The following GTF2IRD1 variants were observed in gnomAD, a reference collection of about 807,000 sequenced individuals.
GTF2IRD1 encodes general transcription factor II-I repeat domain-containing protein 1.
GTF2IRD1 carries 26 observed loss-of-function variants against 113.2 expected under a neutral mutation model. That is an observed-to-expected ratio of 0.23 (90% CI 0.17 to 0.32). GTF2IRD1 has a LOEUF of 0.32. Ranked by LOEUF, GTF2IRD1 falls within the 10% of genes least tolerant of loss-of-function variation. The probability of loss-of-function intolerance (pLI) is 1.00; values close to 1 mark genes in which losing one functional copy is unlikely to be tolerated. For synonymous variants in GTF2IRD1, 484 were observed against 529.1 expected, an observed-to-expected ratio of 0.91 and a Z score of 1.17; for missense variants, 864 against 1,280.8, an observed-to-expected ratio of 0.67 and a Z score of 4.97.
chr7:74,471,924 G>A (rs965402804), intron 1 of GTF2IRD1, among the ~76,000 whole-genome samples: 6 of 152,078 alleles, frequency 3.9e-5, no homozygotes, highest in South Asian at 2.1e-4. Context: ...TCCGGGAGGC[G>A]GAGTCTGCAG....
intron 22 of GTF2IRD1, among the ~76,000 whole-genome samples, chr7:74,583,450 C>T (rs1801542430): frequency 6.7e-6 from 1 of 150,180 alleles, no homozygotes; most frequent in Non-Finnish European, 1.5e-5. Flanking sequence ...CCTCAGTCTC[C>T]CAAATTGCTG....
At chr7:74,599,724 T>C (rs1178949188) in intron 25 of GTF2IRD1, among the ~76,000 whole-genome samples, 1 of 152,180 alleles carries the variant, frequency 6.6e-6, no homozygotes, top group Non-Finnish European at 1.5e-5. Flanking sequence ...ACCTTCACCA[T>C]GTTGCCCAGG....
intron 11 of GTF2IRD1, among the ~76,000 whole-genome samples, 157 bp from the exon 12 acceptor site, chr7:74,537,979 G>A (rs1554350621): frequency 6.6e-6 from 1 of 152,254 alleles, no homozygotes; most frequent in East Asian, 1.9e-4. Context: ...CCTGGTGGAG[G>A]TGGGGAGCAC....
intron 22 of GTF2IRD1, among the ~76,000 whole-genome samples, chr7:74,564,729 C>T (rs1374292715): frequency 6.0e-5 from 9 of 150,730 alleles, no homozygotes; most frequent in African/African-American, 2.0e-4. Context: ...TGTGACAGAG[C>T]GAGGTCTTGT....
intron 12 of GTF2IRD1, 64 bp from the exon 13 acceptor site, chr7:74,538,612 GGAAA>G (rs1292012540): frequency 3.6e-5 from 33 of 925,150 alleles, no homozygotes; most frequent in African/African-American, 2.6e-4. Context: ...AGAATGTTCT[GGAAA>G]GAGTCACTCT....
At chr7:74,510,791 A>G (rs1190465566) in intron 2 of GTF2IRD1, among the ~76,000 whole-genome samples, 2 of 151,998 alleles carry the variant, frequency 1.3e-5, no homozygotes, top group Non-Finnish European at 2.9e-5. Flanking sequence ...GCTCACGCAT[A>G]TAATCCCAGC....
chr7:74,586,200 G>A (rs1245329979), intron 22 of GTF2IRD1, among the ~76,000 whole-genome samples: 1 of 152,188 alleles, frequency 6.6e-6, no homozygotes, highest in Non-Finnish European at 1.5e-5. Flanking sequence ...CAGATGGAAT[G>A]TGCTGTTGCT....
rs1490115642 is a variant in GTF2IRD1 at position 74,538,576 on chromosome 7, G to A, written c.1448-104G>A. On this transcript the variant is annotated intron_variant, in intron 12 of 26. Coordinates refer to ENST00000424337, the MANE Select transcript of GTF2IRD1 (RefSeq NM_005685.4). ...GGCTGACATGACTTGTCCTAGGTAG[G>A]GCCTCACTAACAAGTTACAGACACC... is the stretch of plus-strand genomic sequence containing the variant. The A allele has an allele frequency of 6.2e-6, 5 of 812,568 alleles. No homozygotes were observed. In the Admixed American group the frequency reaches 8.5e-5, roughly 14 times the overall value. The allele number at this position is 812,568 out of a possible 1,614,324, so 50.3% of individuals were successfully genotyped here.
At position 74,510,274 on chromosome 7, in the gene GTF2IRD1, C is replaced by T. The variant is rs1796546688; in HGVS notation, c.123+2071C>T. ...CTGATGTGGGCAGTGATGGGCGATG[C>T]CATGGCCACTAGTGACATGTGGCTA... On this transcript the variant is annotated intron_variant, in intron 2 of 26. Coordinates refer to ENST00000424337, the MANE Select transcript of GTF2IRD1 (RefSeq NM_005685.4). Among the ~76,000 whole-genome samples, 3 of 151,418 alleles carry T rather than the reference C, an allele frequency of 2.0e-5. No homozygotes were observed. The East Asian group carries it at 5.8e-4, about 29-fold the overall frequency.
chr7:74,542,395 C>T (rs1457747640), intron 14 of GTF2IRD1, among the ~76,000 whole-genome samples: 1 of 152,068 alleles, frequency 6.6e-6, no homozygotes, highest in African/African-American at 2.4e-5. Flanking sequence ...AATTCTATCT[C>T]AAAAACAAGC....
rs111585046 is a variant in GTF2IRD1, at chr7:74,535,329, C to G, written c.1300+191C>G. On this transcript the variant is annotated intron_variant, in intron 10 of 26. Transcript: ENST00000424337. ...TCTAGGTGCTGACAGACTGTCAGGA[C>G]AACCCCTCCCAGCTTCAAATGCCCT... 2.6e-4 allele frequency among the ~76,000 whole-genome samples: 40 copies of G among 152,310 alleles called. 1 individual carries two copies. Among genetic ancestry groups the G allele is most frequent in the African/African-American group, 8.7e-4 (36 of 41,554 alleles).
intron 9 of GTF2IRD1, among the ~76,000 whole-genome samples, chr7:74,532,072 C>A (rs587749662): frequency 6.6e-6 from 1 of 152,134 alleles, no homozygotes; most frequent in Non-Finnish European, 1.5e-5. Flanking sequence ...GGCTGGCCAG[C>A]GACCCCTTGG....
intron 1 of GTF2IRD1, among the ~76,000 whole-genome samples, chr7:74,499,233 C>T (rs1002959906): frequency 2.0e-5 from 3 of 152,240 alleles, no homozygotes; most frequent in Non-Finnish European, 4.4e-5. Flanking sequence ...TGAGCTCTTG[C>T]AGGGTGGCCC....
At chr7:74,545,627 CAG>C in intron 15 of GTF2IRD1, 115 bp from the exon 16 acceptor site, 4 of 762,706 alleles carry the variant, frequency 5.2e-6, no homozygotes, top group Non-Finnish European at 7.1e-6. Context: ...GCCCCAGCCC[CAG>C]CCTTCCCCCA....
chr7:74,533,133 A>ATTT (rs56894912), intron 9 of GTF2IRD1, among the ~76,000 whole-genome samples: 1 of 112,290 alleles, frequency 8.9e-6, no homozygotes. Context: ...TCCATGCATC[A>ATTT]TTTTTTTTTT....
In GTF2IRD1 at chr7:74,555,033, G is replaced by T; in HGVS notation, c.1917-141G>T. 1 of 701,562 alleles carries T rather than the reference G, an allele frequency of 1.4e-6. No individual in the cohort carries two copies. The highest frequency in any genetic ancestry group is 2.4e-6 in the Non-Finnish European group (1 of 424,430). 43.5% of individuals were successfully genotyped at this position (701,562 alleles called of 1,614,324 possible). A position where few individuals can be genotyped will look rare whatever the true frequency, so the allele number is the denominator to read the frequency against. On this transcript the variant is annotated intron_variant, in intron 17 of 26. Transcript: ENST00000424337. This position sits in a 1 kb window ranked among gnomAD's most constrained non-coding sequence, Gnocchi z 5.3. The stretch of plus-strand genomic sequence containing the variant: ...GCCCCCCAGATTCCACATGTGGGGC[G>T]GCAGGGACTCCAGGCCTGAACTATG...
chr7:74,467,123 A>G (rs1377074893), intron 1 of GTF2IRD1, among the ~76,000 whole-genome samples: 1 of 151,804 alleles, frequency 6.6e-6, no homozygotes, highest in Non-Finnish European at 1.5e-5. Flanking sequence ...TAGTTTTTGT[A>G]TTTTTAGTAG....
chr7:74,576,025 G>A (rs587639589), intron 22 of GTF2IRD1, among the ~76,000 whole-genome samples: 31 of 151,808 alleles, frequency 2.0e-4, no homozygotes, highest in South Asian at 8.3e-4. Flanking sequence ...ATAGCTGCAC[G>A]TAGTGCACAC....
chr7:74,573,217 C>G (rs1554363166), intron 22 of GTF2IRD1, among the ~76,000 whole-genome samples: 2 of 151,884 alleles, frequency 1.3e-5, no homozygotes, highest in African/African-American at 4.8e-5. Flanking sequence ...CGAGACCAGC[C>G]TGGGCAACAT....
Sources: allele counts gnomAD v4.1 joint callset (sites outside exome capture counted in the v4.1 genomes callset), GRCh38; gene constraint gnomAD v4.1.1; non-coding constraint Gnocchi (gnomAD v3.1); transcripts MANE v1.5; gene names NCBI Gene and HGNC (gene_info 2026-07-23, HGNC 2026-07-21).